Variants in NELL1 observed in about 807,000 individuals in gnomAD.
NELL1 encodes the protein protein kinase C-binding protein NELL1.
A neutral mutation model predicts 107.4 loss-of-function variants in NELL1; 76 were observed. The observed-to-expected ratio is 0.71, with a 90% confidence interval of 0.59 to 0.86. The LOEUF is 0.86. Ranked by LOEUF, NELL1 falls within the 40% of genes least tolerant of loss-of-function variation. The probability of loss-of-function intolerance (pLI) is 0.00; values close to 1 mark genes in which losing one functional copy is unlikely to be tolerated. For synonymous variants in NELL1, 353 were observed against 341.2 expected, an observed-to-expected ratio of 1.03 and a Z score of -0.38; for missense variants, 1,024 against 1,005.5, an observed-to-expected ratio of 1.02 and a Z score of -0.25.
intron 2 of NELL1, among the ~76,000 whole-genome samples, chr11:20,679,323 T>G (rs1041787476): frequency 6.6e-6 from 1 of 152,228 alleles, no homozygotes; most frequent in Non-Finnish European, 1.5e-5. Context: ...TAAGGCAGCC[T>G]GGATATTCCT....
chr11:21,423,729 C>CA (rs1185813054), intron 15 of NELL1, among the ~76,000 whole-genome samples: 1 of 152,136 alleles, frequency 6.6e-6, no homozygotes, highest in Non-Finnish European at 1.5e-5. Context: ...ATATTATGCC[C>CA]AAATTAAGTC....
At chr11:21,050,347 A>G (rs1044231012) in intron 12 of NELL1, among the ~76,000 whole-genome samples, 3 of 152,164 alleles carry the variant, frequency 2.0e-5, no homozygotes, top group Admixed American at 2.0e-4. Flanking sequence ...GGAAGTGACA[A>G]TCTGAATAGA....
chr11:21,417,637 G>A (rs1852550666), intron 15 of NELL1, among the ~76,000 whole-genome samples: 1 of 152,044 alleles, frequency 6.6e-6, no homozygotes, highest in Non-Finnish European at 1.5e-5. Context: ...ATGCAGGAAA[G>A]TAGTTAATAG....
intron 14 of NELL1, among the ~76,000 whole-genome samples, chr11:21,309,298 ATGTATATATATATAAT>A (rs1326922794): frequency 4.0e-5 from 3 of 75,284 alleles, no homozygotes; most frequent in African/African-American, 1.1e-4. Context: ...ATATATATAT[ATGTATATATATATAAT>A]ATATATATAT....
chr11:20,857,629 A>G (rs1392552918), intron 4 of NELL1, among the ~76,000 whole-genome samples: 1 of 152,192 alleles, frequency 6.6e-6, no homozygotes, highest in East Asian at 1.9e-4. Flanking sequence ...GCAGAGTTGG[A>G]TGGGTGTTTC....
intron 12 of NELL1, among the ~76,000 whole-genome samples, chr11:20,961,455 C>T (rs1467740300): frequency 2.6e-5 from 4 of 152,032 alleles, no homozygotes; most frequent in African/African-American, 7.3e-5. Context: ...ATTAATAATA[C>T]CTTGCACCAT....
intron 14 of NELL1, among the ~76,000 whole-genome samples, chr11:21,239,417 T>C (rs543588300): frequency 1.3e-5 from 2 of 152,196 alleles, no homozygotes; most frequent in Admixed American, 1.3e-4. Flanking sequence ...GATACTGCCA[T>C]ATACATCTAC....
At chr11:21,098,214 T>A (rs1854699712) in intron 12 of NELL1, among the ~76,000 whole-genome samples, 1 of 152,200 alleles carries the variant, frequency 6.6e-6, no homozygotes. Flanking sequence ...TTTTTCCAGG[T>A]ATTCTTTTCT....
intron 14 of NELL1, among the ~76,000 whole-genome samples, chr11:21,242,143 A>C (rs1858379308): frequency 6.6e-6 from 1 of 152,032 alleles, no homozygotes; most frequent in South Asian, 2.1e-4. Flanking sequence ...GTTAAAGATA[A>C]GTAAATGATG....
chr11:20,786,852 CA>C (rs1007733809), intron 3 of NELL1, among the ~76,000 whole-genome samples: 1 of 151,156 alleles, frequency 6.6e-6, no homozygotes, highest in East Asian at 2.0e-4. Flanking sequence ...ACTAAAAATA[CA>C]AAAAATTAGC....
intron 2 of NELL1, among the ~76,000 whole-genome samples, chr11:20,696,713 T>A (rs955727056): frequency 6.6e-6 from 1 of 152,182 alleles, no homozygotes; most frequent in African/African-American, 2.4e-5. Flanking sequence ...TTTTTTGTCA[T>A]CTGACACTGT....
chr11:20,849,570 A>T (rs911606741), intron 4 of NELL1, among the ~76,000 whole-genome samples: 1 of 152,162 alleles, frequency 6.6e-6, no homozygotes, highest in Non-Finnish European at 1.5e-5. Flanking sequence ...TAAAGAATTG[A>T]CTGAGGGTAT....
intron 14 of NELL1, among the ~76,000 whole-genome samples, chr11:21,243,437 G>A (rs1467145233): frequency 6.6e-6 from 1 of 152,034 alleles, no homozygotes; most frequent in Non-Finnish European, 1.5e-5. Flanking sequence ...GGTCTAGTGG[G>A]CAAACTCTGT....
intron 15 of NELL1, among the ~76,000 whole-genome samples, chr11:21,489,404 A>AAAAAAAC (rs1554922049): frequency 8.0e-5 from 11 of 137,268 alleles, no homozygotes; most frequent in African/African-American, 3.3e-4. Flanking sequence ...AAAAAAAAAA[A>AAAAAAAC]AAAACAGAAG....
chr11:21,011,748 A>T (rs1035742604), intron 12 of NELL1, among the ~76,000 whole-genome samples: 2 of 152,120 alleles, frequency 1.3e-5, no homozygotes, highest in African/African-American at 4.8e-5. Context: ...GAACACACTC[A>T]TGTGTATAGT....
chr11:21,373,631 T>A (rs1452688102), intron 15 of NELL1, among the ~76,000 whole-genome samples: 1 of 152,062 alleles, frequency 6.6e-6, no homozygotes, highest in African/African-American at 2.4e-5. Context: ...TAAAGAAAAT[T>A]CCTGTCTGAT....
chr11:21,365,009 C>A (rs571553811), intron 14 of NELL1, among the ~76,000 whole-genome samples: 1 of 152,180 alleles, frequency 6.6e-6, no homozygotes, highest in East Asian at 1.9e-4. Context: ...CTGTACTTCA[C>A]CTGGCAAAAA....
At chr11:21,378,195 C>T (rs1433846705) in intron 15 of NELL1, among the ~76,000 whole-genome samples, 1 of 151,400 alleles carries the variant, frequency 6.6e-6, no homozygotes, top group East Asian at 1.9e-4. Flanking sequence ...GACAAAATTT[C>T]ATCCCATTAA....
chr11:20,813,471 A>T (rs1304287621), intron 3 of NELL1, among the ~76,000 whole-genome samples: 3 of 468 alleles, frequency 6.4e-3, no homozygotes, highest in Non-Finnish European at 0.037. Context: ...GGACGTGATA[A>T]AAAAAAACCA....
Sources: allele counts gnomAD v4.1 joint callset (sites outside exome capture counted in the v4.1 genomes callset), GRCh38; gene constraint gnomAD v4.1.1; transcripts MANE v1.5; gene names NCBI Gene and HGNC (gene_info 2026-07-23, HGNC 2026-07-21).